The following PTPRN2 variants were observed in gnomAD, a reference collection of about 807,000 sequenced individuals.
PTPRN2 encodes the protein receptor-type tyrosine-protein phosphatase N2.
Under a neutral mutation model 118.8 loss-of-function variants are expected in PTPRN2, and 74 were observed. The observed-to-expected ratio is 0.62, with a 90% confidence interval of 0.52 to 0.76. The LOEUF (loss-of-function observed/expected upper bound fraction) is 0.76, where lower values mean the gene tolerates loss of function less well. Ranked by LOEUF, PTPRN2 falls within the 30% of genes least tolerant of loss-of-function variation. The pLI is 0.00. For missense variants in PTPRN2, 1,481 were observed against 1,394.4 expected, an observed-to-expected ratio of 1.06 and a Z score of -0.99; for synonymous variants, 641 against 608.0, an observed-to-expected ratio of 1.05 and a Z score of -0.80.
At position 158,116,345 on chromosome 7, in the gene PTPRN2, TA is replaced by T. The variant is rs151185142; in HGVS notation, c.1557-5431del. Among the ~76,000 whole-genome samples, 569 of 152,364 alleles carry T rather than the reference TA, an allele frequency of 3.7e-3. 5 individuals carry two copies. The highest frequency in any genetic ancestry group is 0.013 in the African/African-American group (556 of 41,586). On this transcript the variant is annotated intron_variant, in intron 9 of 22. Transcript: ENST00000389418. Reference sequence around the variant, plus strand: ...TGTCTCCCACCTGACAACACTGTGCTAGTAGGATCTGTCTGATGTAACTGAT... The same window carrying T: ...TGTCTCCCACCTGACAACACTGTGCTGTAGGATCTGTCTGATGTAACTGAT...
In PTPRN2 at chr7:158,133,851, G is replaced by A. The variant is rs189914559; in HGVS notation, c.1382C>T (p.Pro461Leu). 255 of 1,613,916 alleles carry A rather than the reference G, an allele frequency of 1.6e-4. 1 individual carries two copies. Among genetic ancestry groups the A allele is most frequent in the Admixed American group, 1.0e-3 (62 of 60,028 alleles). Residue 461 changes from proline to leucine, a missense_variant, in exon 9 of 23, where the codon CCG becomes CTG. Coordinates refer to ENST00000389418, the MANE Select transcript of PTPRN2 (RefSeq NM_002847.5). ...TYSKDLLGQQPHSEPGAAAFG... is the reference protein window; with the variant it reads ...TYSKDLLGQQLHSEPGAAAFG... ...CGCAGCGGCCCCGGGCTCCGAATGC[G>A]GCTGCTGCCCCAGCAGATCTTTGGA...
intron 2 of PTPRN2, among the ~76,000 whole-genome samples, chr7:158,455,263 C>A (rs1202056833): frequency 7.6e-6 from 1 of 132,408 alleles, no homozygotes; most frequent in Non-Finnish European, 1.6e-5. Flanking sequence ...CGGACGCCAT[C>A]GGCCACGGCC....
chr7:158,221,644 G>A (rs148112366), intron 3 of PTPRN2, among the ~76,000 whole-genome samples: 19 of 152,202 alleles, frequency 1.2e-4, no homozygotes, highest in Admixed American at 3.3e-4. Context: ...AATGCCAAGC[G>A]GAAAGGGTTT....
chr7:158,068,601 G>C (rs184551876), intron 11 of PTPRN2, among the ~76,000 whole-genome samples: 13 of 152,108 alleles, frequency 8.5e-5, no homozygotes, highest in African/African-American at 3.1e-4. Context: ...TGAGCACTCA[G>C]CCCAAATCAT....
intron 12 of PTPRN2, among the ~76,000 whole-genome samples, chr7:157,848,022 C>T (rs1000323573): frequency 6.7e-6 from 1 of 150,128 alleles, no homozygotes; most frequent in African/African-American, 2.5e-5. Flanking sequence ...TTTACAGAGC[C>T]CTCTCTCATT....
In PTPRN2 at chr7:158,212,145, T is replaced by C. The variant is rs77183392; in HGVS notation, c.278-6872A>G. Among the ~76,000 whole-genome samples the C allele has an allele frequency of 5.1e-3, 783 of 152,268 alleles. 7 individuals carry two copies. Among genetic ancestry groups the C allele is most frequent in the African/African-American group, 0.018 (731 of 41,556 alleles). On this transcript the variant is annotated intron_variant, in intron 3 of 22. Coordinates refer to ENST00000389418, the MANE Select transcript of PTPRN2 (RefSeq NM_002847.5). The stretch of plus-strand genomic sequence containing the variant: ...ACAAACTTTGCATGTTCTCACCGAT[T>C]TGTGGGAACTAAAACTTAAAACAAC...
chr7:158,336,076 A>G (rs181307527), intron 2 of PTPRN2, among the ~76,000 whole-genome samples: 1 of 8,810 alleles, frequency 1.1e-4, no homozygotes, highest in African/African-American at 4.7e-4. Flanking sequence ...CACCATAAGA[A>G]GTGACAACTG....
intron 11 of PTPRN2, among the ~76,000 whole-genome samples, chr7:158,066,176 A>C (rs959368552): frequency 2.0e-5 from 3 of 152,242 alleles, no homozygotes; most frequent in African/African-American, 7.2e-5. Context: ...GGCATCACAA[A>C]AAATAAGACT....
In PTPRN2 at chr7:157,591,265, C is replaced by T. The variant is rs1190812901; in HGVS notation, c.2496+3973G>A. ...CCTTTCTCACGCTCACACTTTCTTC[C>T]TGGAATTTGCTGATTACCGACAGAG... On this transcript the variant is annotated intron_variant, in intron 17 of 22. Transcript: ENST00000389418. The surrounding 1 kb of genome is among the most constrained non-coding windows in gnomAD (Gnocchi z 4.4). Among the ~76,000 whole-genome samples the T allele has an allele frequency of 6.6e-6, 1 of 152,208 alleles. No homozygotes were observed. The highest frequency in any genetic ancestry group is 1.5e-5 in the Non-Finnish European group (1 of 68,042).
chr7:157,966,912 C>T (rs890494267), intron 11 of PTPRN2, among the ~76,000 whole-genome samples: 3 of 152,324 alleles, frequency 2.0e-5, no homozygotes, highest in East Asian at 1.9e-4. Flanking sequence ...TTCATCACCA[C>T]TCTCATCATC....
At chr7:158,208,065 C>T (rs1827298113) in intron 3 of PTPRN2, among the ~76,000 whole-genome samples, 1 of 152,124 alleles carries the variant, frequency 6.6e-6, no homozygotes, top group South Asian at 2.1e-4. Flanking sequence ...AATTAGTGAG[C>T]TTGAAGACTG....
At chr7:158,490,092 G>A (rs969162086) in intron 1 of PTPRN2, among the ~76,000 whole-genome samples, 3 of 152,186 alleles carry the variant, frequency 2.0e-5, no homozygotes, top group Admixed American at 6.5e-5. Context: ...GAGCAGCAGC[G>A]GGGCCGGGGC....
At position 157,540,682 on chromosome 7, in the gene PTPRN2, G is replaced by A. The variant is rs1122307; in HGVS notation, c.*32C>T. On this transcript the variant is annotated 3_prime_UTR_variant, in exon 23 of 23. Transcript: ENST00000389418. ...TGATTCCTGACAACATCCGTGGGGTGGGGGCTCCCCTGAGGCCCCTGAGGC... is the reference window on the plus strand; with the variant it reads ...TGATTCCTGACAACATCCGTGGGGTAGGGGCTCCCCTGAGGCCCCTGAGGC... 0.081 allele frequency: 120,133 copies of A among 1,484,268 alleles called. 5,156 individuals are homozygous for A. The highest frequency in any genetic ancestry group is 0.14 in the East Asian group (5,706 of 40,698). The allele number at this position is 1,484,268 out of a possible 1,614,324, so 91.9% of individuals were successfully genotyped here.
At position 157,763,437 on chromosome 7, in the gene PTPRN2, C is replaced by T. The variant is rs370558720; in HGVS notation, c.1789-80500G>A. On this transcript the variant is annotated intron_variant, in intron 12 of 22. Coordinates refer to ENST00000389418, the MANE Select transcript of PTPRN2 (RefSeq NM_002847.5). The surrounding 1 kb of genome is among the most constrained non-coding windows in gnomAD (Gnocchi z 4.9). ...GCTCTGAGGCACAGGTTGGCGGTGG[C>T]CCTGAGCCAGGCTGGTGTGGCCTCG... Among the ~76,000 whole-genome samples, 2 of 152,236 alleles carry T rather than the reference C, an allele frequency of 1.3e-5. No individual in the cohort carries two copies. The highest frequency in any genetic ancestry group is 2.1e-4 in the South Asian group (1 of 4,832).
rs574233666 is a variant in PTPRN2 at position 157,626,856 on chromosome 7, G to A, written c.2197-5347C>T. Reference sequence around the variant, plus strand: ...AACTTGGAAGAACTTCTCCAAAAAGGAGCATAAGGAACTTGGAATGTTTTA... The same window carrying A: ...AACTTGGAAGAACTTCTCCAAAAAGAAGCATAAGGAACTTGGAATGTTTTA... On this transcript the variant is annotated intron_variant, in intron 14 of 22. Transcript: ENST00000389418. 2.6e-5 allele frequency among the ~76,000 whole-genome samples: 4 copies of A among 152,318 alleles called. No homozygotes were observed. In the East Asian group the frequency reaches 7.7e-4, roughly 29 times the overall value.
chr7:158,411,770 T>TCCAGA (rs1248423611), intron 2 of PTPRN2, among the ~76,000 whole-genome samples: 11 of 151,902 alleles, frequency 7.2e-5, no homozygotes, highest in Non-Finnish European at 2.9e-5. Flanking sequence ...CCAGGTCTTA[T>TCCAGA]CCAGACTCAG....
intron 11 of PTPRN2, among the ~76,000 whole-genome samples, chr7:157,984,490 A>G: frequency 7.0e-6 from 1 of 141,856 alleles, no homozygotes; most frequent in South Asian, 2.4e-4. Flanking sequence ...GCCAGGCTCC[A>G]CCCAAGCCAG....
intron 14 of PTPRN2, among the ~76,000 whole-genome samples, chr7:157,621,766 C>T (rs1803265982): frequency 6.6e-6 from 1 of 151,836 alleles, no homozygotes; most frequent in African/African-American, 2.4e-5. Flanking sequence ...ATCAGTTTAC[C>T]GCTGAGATGA....
At chr7:158,201,056 G>GTTTTT (rs112552696) in intron 4 of PTPRN2, among the ~76,000 whole-genome samples, 2 of 149,394 alleles carry the variant, frequency 1.3e-5, no homozygotes, top group Non-Finnish European at 3.0e-5. Context: ...AAAAAAAAGT[G>GTTTTT]GTTTTTTTTT....
Sources: allele counts gnomAD v4.1 joint callset (sites outside exome capture counted in the v4.1 genomes callset), GRCh38; gene constraint gnomAD v4.1.1; non-coding constraint Gnocchi (gnomAD v3.1); transcripts MANE v1.5; gene names NCBI Gene and HGNC (gene_info 2026-07-23, HGNC 2026-07-21).